Variants in POTEE observed in about 807,000 individuals in gnomAD.
POTEE encodes the protein POTE ankyrin domain family member E.
In POTEE, 21 loss-of-function variants were observed where a neutral mutation model predicts 74.2. The ratio of observed to expected loss-of-function variants is 0.28; its 90% CI spans 0.20 to 0.41. The LOEUF (loss-of-function observed/expected upper bound fraction) is 0.41. POTEE is among the 10% of genes least tolerant of loss of function. The pLI, the probability that POTEE is intolerant of heterozygous loss-of-function variation, is 1.00. For missense variants in POTEE, 525 were observed against 1,158.6 expected (o/e 0.45, Z 7.94); for synonymous variants, 211 against 432.8 (o/e 0.49, Z 6.36).
intron 4 of POTEE, among the ~76,000 whole-genome samples, chr2:131,221,494 AT>A (rs1451968317): frequency 1.3e-5 from 2 of 152,088 alleles, no homozygotes; most frequent in African/African-American, 2.4e-5. Context: ...TGCAATGAAC[AT>A]CTGAAGTTTT....
At chr2:131,224,590 G>A (rs950046189) in intron 6 of POTEE, among the ~76,000 whole-genome samples, 1 of 151,580 alleles carries the variant, frequency 6.6e-6, no homozygotes, top group Non-Finnish European at 1.5e-5. Flanking sequence ...ATTAGATAAT[G>A]GAGGGAAAAG....
At chr2:131,209,847 C>T (rs1416497098) in intron 1 of POTEE, among the ~76,000 whole-genome samples, 28 bp downstream of exon 1, 1 of 151,640 alleles carries the variant, frequency 6.6e-6, no homozygotes, top group Non-Finnish European at 1.5e-5. Context: ...GTACTGCCCG[C>T]CTGTGGGGGC....
chr2:131,231,213 C>T (rs1173789350), intron 9 of POTEE, among the ~76,000 whole-genome samples: 1 of 149,906 alleles, frequency 6.7e-6, no homozygotes, highest in African/African-American at 2.5e-5. Context: ...ATTAGATTCT[C>T]ATACGAAGCA....
At chr2:131,232,099 AT>A (rs1354449684) in intron 9 of POTEE, among the ~76,000 whole-genome samples, 2 of 147,904 alleles carry the variant, frequency 1.4e-5, no homozygotes, top group Non-Finnish European at 3.0e-5. Flanking sequence ...GATAGTAACC[AT>A]TTTTCTAATG....
chr2:131,223,896 T>C lies in POTEE; in HGVS notation c.663T>C (p.Cys221=), dbSNP rs1325675612. Residue 221 remains cysteine (C), a synonymous_variant, in exon 6 of 18, where the codon TGT becomes TGC. Transcript: ENST00000683005. ...CCGTACAATGCCAGGAAGATGAATG[T>C]GCGTTAATGTTGCTGGAACATGGCA... The part of the protein sequence containing the change: ...IKAVQCQEDE[C]ALMLLEHGTD... 1.9e-6 allele frequency: 3 copies of C among 1,543,984 alleles called. No homozygotes were observed. The highest frequency in any genetic ancestry group is 1.7e-6 in the Non-Finnish European group (2 of 1,145,880).
chr2:131,264,000 A>G lies in POTEE; in HGVS notation c.2545A>G (p.Thr849Ala), dbSNP rs202144960. The part of the protein sequence containing the change: ...VPSLYTSGRT[T>A]GIVMDSGDGV... The stretch of plus-strand genomic sequence containing the variant: ...GTCCCTGTACACCTCTGGCCGTACT[A>G]CTGGCATCGTGATGGACTCTGGTGA... The change falls in exon 18 of 18, where the codon ACT (threonine) becomes GCT (alanine). Residue 849 changes from threonine (T) to alanine (A), a missense_variant. Physicochemically the swap from Thr to Ala is moderately conservative, Grantham distance 58. Coordinates refer to ENST00000683005, the MANE Select transcript of POTEE (RefSeq NM_001083538.3). 1.7e-4 allele frequency: 281 copies of G among 1,614,196 alleles called. No homozygotes were observed. In the African/African-American group the frequency reaches 3.3e-3, roughly 19 times the overall value.
rs961761781 is a variant in POTEE at position 131,209,582 on chromosome 2, A to G, written c.-582A>G. On this transcript the variant is annotated 5_prime_UTR_variant, in exon 1 of 18. Transcript: ENST00000683005. ...GCGTTTGGTAACCGGCATGGCTGCT[A>G]CCTGTTTCTGGCTGGAGCCTCGGAC... Among the ~76,000 whole-genome samples, 2 of 152,166 alleles carry G rather than the reference A, an allele frequency of 1.3e-5. No individual in the cohort carries two copies. Among genetic ancestry groups the G allele is most frequent in the Non-Finnish European group, 2.9e-5 (2 of 68,034 alleles).
Position 131,213,153 on chromosome 2 carries a change from G to C in POTEE, c.-189+1970G>C, listed in dbSNP as rs201346374. On this transcript the variant is annotated intron_variant, in intron 2 of 17. Transcript: ENST00000683005. ...TTTTTGTATTTTTAGTAGAGATGGG[G>C]TTTCACCATGTTGGCCAGGCTGGCC... 5.3e-5 allele frequency among the ~76,000 whole-genome samples: 8 copies of C among 152,118 alleles called. No individual in the cohort carries two copies. In the East Asian group the frequency reaches 1.6e-3, roughly 30 times the overall value.
At chr2:131,225,658 T>C (rs1180029198) in intron 6 of POTEE, among the ~76,000 whole-genome samples, 8 of 148,892 alleles carry the variant, frequency 5.4e-5, no homozygotes, top group Non-Finnish European at 7.4e-5. Context: ...CCTCGACCTC[T>C]CCAAGCTCAG....
rs1264339222 is a variant in POTEE, at chr2:131,263,795, T to C, written c.2340T>C (p.Asp780=). The change falls in exon 18 of 18, where the codon GAT becomes GAC. Residue 780 remains aspartate (D), a synonymous_variant. Coordinates refer to ENST00000683005, the MANE Select transcript of POTEE (RefSeq NM_001083538.3). ...AACACGGCATCATCACCAACTGGGA[T>C]GACATGGAGAAGATCTGGCACCACA... is the stretch of plus-strand genomic sequence containing the variant. ...PMEHGIITNW[D]DMEKIWHHTF... is the part of the protein sequence containing the mutation. The C allele has an allele frequency of 8.7e-6, 14 of 1,613,540 alleles. No homozygotes were observed. Among genetic ancestry groups the C allele is most frequent in the Admixed American group, 5.0e-5 (3 of 59,978 alleles).
chr2:131,230,755 T>G (rs1303430126), intron 8 of POTEE, 81 bp from the exon 9 acceptor site: 135 of 1,511,876 alleles, frequency 8.9e-5, no homozygotes, highest in Middle Eastern at 2.4e-4. Context: ...TTTGAAATAC[T>G]CTTAATAATT....
At position 131,263,444 on chromosome 2, in the gene POTEE, C is replaced by A. The variant is rs1218010230; in HGVS notation, c.1989C>A (p.Asp663Glu). ...TTGCCATGCTAAGACTGGAGCTAGA[C>A]ACAATGAAACATCAGAGCCAGCTAA... ...EEIAMLRLEL[D>E]TMKHQSQLRE... The change falls in exon 18 of 18, where the codon GAC (aspartate) becomes GAA (glutamate). Residue 663 changes from aspartate (D) to glutamate (E), a missense_variant. Coordinates refer to ENST00000683005, the MANE Select transcript of POTEE (RefSeq NM_001083538.3). 6.2e-7 allele frequency: 1 copy of A among 1,611,642 alleles called. No homozygotes were observed.
intron 9 of POTEE, among the ~76,000 whole-genome samples, chr2:131,233,599 T>C (rs1390149710): frequency 2.2e-5 from 1 of 45,368 alleles, no homozygotes; most frequent in African/African-American, 5.7e-5. Flanking sequence ...TTTAATATGT[T>C]GGCCTTTTTT....
chr2:131,258,657 A>G (rs1287449915), intron 16 of POTEE, among the ~76,000 whole-genome samples: 1 of 148,198 alleles, frequency 6.7e-6, no homozygotes, highest in Non-Finnish European at 1.5e-5. Flanking sequence ...GTTAAAAATG[A>G]AGAAAATTTA....
At position 131,218,557 on chromosome 2, in the gene POTEE, C is replaced by G. The variant is rs370757860; in HGVS notation, c.155C>G (p.Ser52Cys). 3.7e-6 allele frequency: 6 copies of G among 1,610,850 alleles called. No homozygotes were observed. The African/African-American group carries it at 4.1e-5, about 11-fold the overall frequency. ...GGCACTTCTGGAGACCACGACGACT[C>G]TGCTATGAAGACACTCAGGAGCAAG... ...NVGTSGDHDD[S>C]AMKTLRSKMG... is the part of the protein sequence containing the mutation. The change falls in exon 4 of 18, where the codon TCT becomes TGT. Residue 52 changes from serine to cysteine, a missense_variant. By Grantham distance (112) the Ser-to-Cys change is moderately radical. Transcript: ENST00000683005.
intron 9 of POTEE, 42 bp downstream of exon 9, chr2:131,230,948 A>G (rs1375912765): frequency 9.0e-6 from 14 of 1,558,222 alleles, no homozygotes; most frequent in Non-Finnish European, 9.5e-6. Context: ...AGTTGTCCCC[A>G]ACCTTTTTGA....
At chr2:131,262,968 A>G (rs1374038884) in intron 17 of POTEE, among the ~76,000 whole-genome samples, 3 of 152,044 alleles carry the variant, frequency 2.0e-5, no homozygotes, top group East Asian at 3.9e-4. Context: ...GTGTAAACCT[A>G]ATCTTAAAAA....
intron 1 of POTEE, among the ~76,000 whole-genome samples, chr2:131,210,468 C>T (rs1171602346): frequency 2.0e-5 from 3 of 151,452 alleles, no homozygotes; most frequent in Middle Eastern, 3.4e-3. Flanking sequence ...TGGTGTTGGT[C>T]GGCTGCAGAG....
Position 131,218,324 on chromosome 2 carries a change from G to A in POTEE, c.-79G>A. 6.3e-7 allele frequency: 1 copy of A among 1,597,322 alleles called. No homozygotes were observed. The highest frequency in any genetic ancestry group is 1.1e-5 in the South Asian group (1 of 88,206). On this transcript the variant is annotated 5_prime_UTR_variant, in exon 4 of 18. Transcript: ENST00000683005. Reference sequence around the variant, plus strand: ...TCTTCAAACAGATTGGAAACCCGGAGTTACCTGCTAGTTGGTGAAACTGGT... The same window carrying A: ...TCTTCAAACAGATTGGAAACCCGGAATTACCTGCTAGTTGGTGAAACTGGT...
Sources: gnomAD v4.1 joint callset for allele counts (sites outside exome capture counted in the v4.1 genomes callset) on GRCh38, gnomAD v4.1.1 for gene constraint, MANE v1.5 for transcripts, NCBI Gene and HGNC (gene_info 2026-07-23, HGNC 2026-07-21) for gene names.